Variants in ANO2 observed in about 807,000 individuals in gnomAD.
ANO2 encodes the protein anoctamin 2.
ANO2 carries 101 observed loss-of-function variants against 124.2 expected under a neutral mutation model. The observed-to-expected ratio is 0.81, with a 90% CI of 0.69 to 0.96. The LOEUF is 0.96. Ranked by LOEUF, ANO2 falls within the 40% of genes least tolerant of loss-of-function variation. The probability of loss-of-function intolerance (pLI) is 0.00; values close to 1 mark genes in which losing one functional copy is unlikely to be tolerated. For missense variants in ANO2, 1,293 were observed against 1,274.5 expected (o/e 1.01, Z -0.22); for synonymous variants, 486 against 482.5 (o/e 1.01, Z -0.09).
chr12:5,666,061 G>A (rs1947699147), intron 14 of ANO2, among the ~76,000 whole-genome samples: 1 of 152,158 alleles, frequency 6.6e-6, no homozygotes, highest in Admixed American at 6.5e-5. Flanking sequence ...TGCAGGCCCT[G>A]GACAAAGGGT....
In ANO2 at chr12:5,822,031, C is replaced by T. The variant is rs147637896; in HGVS notation, c.892+5738G>A. On this transcript the variant is annotated intron_variant, in intron 7 of 24. Transcript: ENST00000682330. ...GGTTCACAGATGGGTCTGCACAATA[C>T]GCAGGCACCACCCAAAAGTGGACAG... Among the ~76,000 whole-genome samples, 1,495 of 152,256 alleles carry T rather than the reference C, an allele frequency of 9.8e-3. 28 individuals carry two copies. Among genetic ancestry groups the T allele is most frequent in the African/African-American group, 0.034 (1,402 of 41,546 alleles).
At chr12:5,715,464 C>T (rs1318624967) in intron 14 of ANO2, among the ~76,000 whole-genome samples, 1 of 152,160 alleles carries the variant, frequency 6.6e-6, no homozygotes, top group African/African-American at 2.4e-5. Context: ...ACAAGTAACC[C>T]ACCCATTCCC....
At position 5,925,842 on chromosome 12, in the gene ANO2, G is replaced by C. The variant is rs570774673; in HGVS notation, c.23-3038C>G. Among the ~76,000 whole-genome samples, 1 of 152,346 alleles carries C rather than the reference G, an allele frequency of 6.6e-6. No homozygotes were observed. Among genetic ancestry groups the C allele is most frequent in the South Asian group, 2.1e-4 (1 of 4,826 alleles). ...GGGTTGAGGAGATGGATGTCGTAAG[G>C]CTGGGGCCTGGGCCTTTCTCCACGT... On this transcript the variant is annotated intron_variant, in intron 1 of 24. Transcript: ENST00000682330. This position sits in a 1 kb window ranked among gnomAD's most constrained non-coding sequence, Gnocchi z 4.6.
At chr12:5,884,483 G>T (rs1938743623) in intron 3 of ANO2, among the ~76,000 whole-genome samples, 1 of 152,254 alleles carries the variant, frequency 6.6e-6, no homozygotes, top group Non-Finnish European at 1.5e-5. Context: ...GTGGCCTGAA[G>T]GCAGGATTTG....
chr12:5,872,187 C>T (rs7307889), intron 3 of ANO2, among the ~76,000 whole-genome samples: 10,763 of 152,084 alleles, frequency 0.071, 877 homozygotes, highest in African/African-American at 0.2. Flanking sequence ...TCCATAGGAT[C>T]GCGCACCTGC....
intron 4 of ANO2, among the ~76,000 whole-genome samples, chr12:5,839,001 T>C (rs1954419400): frequency 6.6e-6 from 1 of 152,186 alleles, no homozygotes; most frequent in Admixed American, 6.5e-5. Context: ...CAGGGACCCA[T>C]TTACTCTCCT....
chr12:5,868,290 G>A (rs573537364), intron 3 of ANO2, among the ~76,000 whole-genome samples: 30 of 152,232 alleles, frequency 2.0e-4, no homozygotes, highest in African/African-American at 6.7e-4. Context: ...AGGTCATGTG[G>A]TCTCTAGAAG....
intron 23 of ANO2, among the ~76,000 whole-genome samples, chr12:5,571,518 GA>G (rs1942118626): frequency 6.6e-6 from 1 of 152,214 alleles, no homozygotes; most frequent in African/African-American, 2.4e-5. Context: ...AGAGGTCACT[GA>G]AAGCTAAGAA....
At chr12:5,753,738 T>C (rs1330382763) in intron 10 of ANO2, among the ~76,000 whole-genome samples, 2 of 152,196 alleles carry the variant, frequency 1.3e-5, no homozygotes, top group Admixed American at 6.5e-5. Flanking sequence ...TGCAGGTTGA[T>C]TTAGTATCCT....
intron 10 of ANO2, among the ~76,000 whole-genome samples, chr12:5,753,937 A>G (rs1951506731): frequency 6.6e-6 from 1 of 152,170 alleles, no homozygotes; most frequent in Admixed American, 6.6e-5. Context: ...AGAGGTAAGA[A>G]TGGGCATTTT....
intron 3 of ANO2, among the ~76,000 whole-genome samples, chr12:5,912,717 G>A (rs553911450): frequency 1.3e-5 from 2 of 152,256 alleles, no homozygotes; most frequent in East Asian, 1.9e-4. Context: ...AAGATCCCTC[G>A]GGGTAGGAAA....
At chr12:5,734,772 G>A (rs1962814) in intron 13 of ANO2, among the ~76,000 whole-genome samples, 17,638 of 151,656 alleles carry the variant, frequency 0.12, 1,140 homozygotes, top group East Asian at 0.21. Flanking sequence ...CTCAGCCTCC[G>A]GAGTAGCTGG....
intron 8 of ANO2, 21 bp downstream of exon 8, chr12:5,807,292 G>T: frequency 6.5e-7 from 1 of 1,547,226 alleles, no homozygotes; most frequent in Non-Finnish European, 8.7e-7. Flanking sequence ...CAGAGAGCAC[G>T]CTGATGAAAA....
At chr12:5,623,649 G>A (rs1212405050) in intron 16 of ANO2, among the ~76,000 whole-genome samples, 4 of 152,216 alleles carry the variant, frequency 2.6e-5, no homozygotes, top group African/African-American at 4.8e-5. Flanking sequence ...ATGGCCAGGA[G>A]AGGACGCCAG....
intron 7 of ANO2, among the ~76,000 whole-genome samples, chr12:5,810,802 T>C (rs890389971): frequency 2.0e-5 from 3 of 152,200 alleles, no homozygotes; most frequent in Non-Finnish European, 4.4e-5. Flanking sequence ...AAGACTCATG[T>C]TTCCTCCCTG....
chr12:5,712,901 G>C (rs1036333375), intron 14 of ANO2, among the ~76,000 whole-genome samples: 1 of 152,206 alleles, frequency 6.6e-6, no homozygotes, highest in African/African-American at 2.4e-5. Context: ...TCATGTCAGG[G>C]AGTGGGAGGT....
intron 1 of ANO2, among the ~76,000 whole-genome samples, chr12:5,926,663 G>T (rs1721059411): frequency 6.6e-6 from 1 of 152,144 alleles, no homozygotes; most frequent in South Asian, 2.1e-4. Flanking sequence ...ATCCATTCTT[G>T]CTTCAAAAAG....
intron 15 of ANO2, among the ~76,000 whole-genome samples, chr12:5,640,590 A>G (rs751277187): frequency 3.3e-5 from 5 of 152,256 alleles, no homozygotes; most frequent in South Asian, 2.1e-4. Flanking sequence ...TTCTCAAAAG[A>G]AGACATTTAT....
At chr12:5,599,408 C>T (rs1943817803) in intron 20 of ANO2, 76 bp downstream of exon 20, 1 of 1,503,100 alleles carries the variant, frequency 6.7e-7, no homozygotes, top group Non-Finnish European at 8.9e-7. Context: ...CCCCAATCCC[C>T]TACCTTCCCC....
Sources: allele counts gnomAD v4.1 joint callset (sites outside exome capture counted in the v4.1 genomes callset), GRCh38; gene constraint gnomAD v4.1.1; non-coding constraint Gnocchi (gnomAD v3.1); transcripts MANE v1.5; gene names NCBI Gene and HGNC (gene_info 2026-07-23, HGNC 2026-07-21).